Variants in TRPM3 observed in about 807,000 individuals in gnomAD.
TRPM3 encodes long transient receptor potential channel 3.
A neutral mutation model predicts 181.2 loss-of-function variants in TRPM3; 77 were observed. That is an observed-to-expected ratio of 0.42 (90% CI 0.35 to 0.51). TRPM3 has a LOEUF of 0.51. Ranked by LOEUF, TRPM3 falls within the 20% of genes least tolerant of loss-of-function variation. TRPM3 has a pLI of 0.01. For synonymous variants in TRPM3, 745 were observed against 796.4 expected (o/e 0.94, Z 1.09); for missense variants, 1,759 against 2,196.7 (o/e 0.80, Z 3.98).
intron 1 of TRPM3, among the ~76,000 whole-genome samples, chr9:70,953,087 C>T (rs1165592415): frequency 6.6e-6 from 1 of 152,188 alleles, no homozygotes; most frequent in African/African-American, 2.4e-5. Flanking sequence ...CAACATGCTT[C>T]ATGCTTCATT....
chr9:70,985,034 T>C (rs2097405022), intron 1 of TRPM3, among the ~76,000 whole-genome samples: 1 of 152,186 alleles, frequency 6.6e-6, no homozygotes, highest in African/African-American at 2.4e-5. Context: ...CAGCAGATGA[T>C]ATGGAGTACC....
At chr9:70,545,077 T>TAAGAGGAGTTAAGTAAATTGCTC (rs1050837757) in intron 25 of TRPM3, among the ~76,000 whole-genome samples, 2 of 152,210 alleles carry the variant, frequency 1.3e-5, no homozygotes, top group African/African-American at 2.4e-5. Context: ...GGACATAGGT[T>TAAGAGGAGTTAAGTAAATTGCTC]AAGAGGAGTT....
In TRPM3 at chr9:71,210,088, T is replaced by C. The variant is rs551136276; in HGVS notation, c.183+236565A>G. Among the ~76,000 whole-genome samples, 26 of 152,322 alleles carry C rather than the reference T, an allele frequency of 1.7e-4. 1 individual carries two copies. Among genetic ancestry groups the C allele is most frequent in the Admixed American group, 1.6e-3 (24 of 15,306 alleles). On this transcript the variant is annotated intron_variant, in intron 1 of 24. Coordinates refer to the TRPM3 transcript ENST00000357533. ...AGGGGACCCAAAGGAGCTTCACCCGTATTTACAGCCACTCCCCATGGCTCA... is the reference window on the plus strand; with the variant it reads ...AGGGGACCCAAAGGAGCTTCACCCGCATTTACAGCCACTCCCCATGGCTCA...
intron 1 of TRPM3, among the ~76,000 whole-genome samples, chr9:71,163,586 A>G (rs11142708): frequency 0.11 from 16,117 of 152,244 alleles, 1,071 homozygotes; most frequent in Non-Finnish European, 0.16. Context: ...AGAGTTGGAC[A>G]TGTGTCTAGA....
chr9:71,416,154 T>G (rs1481185628), intron 1 of TRPM3, among the ~76,000 whole-genome samples: 2 of 151,794 alleles, frequency 1.3e-5, no homozygotes, highest in African/African-American at 4.8e-5. Context: ...TCATTTGGGA[T>G]TTGGCACCTG....
intron 6 of TRPM3, among the ~76,000 whole-genome samples, chr9:70,815,541 A>G (rs2092617493): frequency 6.6e-6 from 1 of 152,096 alleles, no homozygotes; most frequent in East Asian, 1.9e-4. Context: ...GGCTTTTGCC[A>G]ATTTGATAGG....
At chr9:71,279,319 C>T (rs764925859) in intron 1 of TRPM3, among the ~76,000 whole-genome samples, 12 of 152,146 alleles carry the variant, frequency 7.9e-5, no homozygotes, top group Non-Finnish European at 1.5e-4. Flanking sequence ...TCTCCAAATA[C>T]GGATAGTTAC....
Position 70,656,859 on chromosome 9 carries a change from G to T in TRPM3, c.1346-16199C>A, listed in dbSNP as rs919237951. Among the ~76,000 whole-genome samples the T allele has an allele frequency of 8.6e-5, 13 of 151,646 alleles. 1 individual carries two copies. Among genetic ancestry groups the T allele is most frequent in the Admixed American group, 2.6e-4 (4 of 15,230 alleles). On this transcript the variant is annotated intron_variant, in intron 9 of 25. Transcript: ENST00000677713. The stretch of plus-strand genomic sequence containing the variant: ...TGTATCATTCAAAGCTTATTTAAAG[G>T]TTATGTATAAAACAAGGTAAAATGA...
chr9:71,030,389 A>C (rs931622994), intron 1 of TRPM3, among the ~76,000 whole-genome samples: 15 of 152,084 alleles, frequency 9.9e-5, no homozygotes, highest in African/African-American at 3.6e-4. Flanking sequence ...GCAAGGTGAA[A>C]CCCCATCTCT....
intron 1 of TRPM3, among the ~76,000 whole-genome samples, chr9:71,425,093 CAT>C (rs2093839955): frequency 6.7e-6 from 1 of 148,678 alleles, no homozygotes; most frequent in South Asian, 2.2e-4. Context: ...TCATTACCTA[CAT>C]ATGTCTCTGG....
rs78234337 is a variant in TRPM3, at chr9:70,890,526, C to T, written c.178-26015G>A. ...GATAGACCTCCACCAAAGAATAACG[C>T]TGTAGAATTTTTAAAGACCAAGACA... On this transcript the variant is annotated intron_variant, in intron 1 of 25. Coordinates refer to ENST00000677713, the MANE Select transcript of TRPM3 (RefSeq NM_001366145.2). Among the ~76,000 whole-genome samples, 772 of 152,088 alleles carry T rather than the reference C, an allele frequency of 5.1e-3. 7 individuals carry two copies. Among genetic ancestry groups the T allele is most frequent in the African/African-American group, 0.018 (742 of 41,490 alleles).
At chr9:71,433,739 A>G (rs2093991301) in intron 1 of TRPM3, among the ~76,000 whole-genome samples, 1 of 152,250 alleles carries the variant, frequency 6.6e-6, no homozygotes. Context: ...TTGGCTTTAT[A>G]TCTCTCTGAC....
At chr9:70,797,010 G>C (rs1205454215) in intron 6 of TRPM3, among the ~76,000 whole-genome samples, 1 of 152,048 alleles carries the variant, frequency 6.6e-6, no homozygotes, top group African/African-American at 2.4e-5. Context: ...TATACCTTTA[G>C]TCCCAGCTAC....
chr9:70,872,200 C>T (rs1242706365), intron 1 of TRPM3, among the ~76,000 whole-genome samples: 1 of 151,898 alleles, frequency 6.6e-6, no homozygotes, highest in African/African-American at 2.4e-5. Flanking sequence ...TAAGAACTCC[C>T]ATAAACAACA....
intron 1 of TRPM3, among the ~76,000 whole-genome samples, chr9:71,086,123 C>T (rs1324529370): frequency 6.6e-6 from 1 of 151,948 alleles, no homozygotes; most frequent in Non-Finnish European, 1.5e-5. Context: ...TGCATGTTCT[C>T]ACTCGTAAGT....
intron 1 of TRPM3, among the ~76,000 whole-genome samples, chr9:71,424,528 T>G (rs1437742947): frequency 1.3e-5 from 2 of 152,140 alleles, no homozygotes; most frequent in Admixed American, 6.6e-5. Flanking sequence ...ATAAGACAGA[T>G]CTAGTCAGTT....
At chr9:70,901,719 T>C (rs1283242427) in intron 1 of TRPM3, among the ~76,000 whole-genome samples, 2 of 152,186 alleles carry the variant, frequency 1.3e-5, no homozygotes, top group Non-Finnish European at 2.9e-5. Context: ...ATTTGAAGCA[T>C]CTGAAAGCAC....
rs557644078 is a variant in TRPM3, at chr9:71,192,662, A to C, written c.183+253991T>G. Among the ~76,000 whole-genome samples the C allele has an allele frequency of 2.2e-3, 332 of 151,920 alleles. 1 individual carries two copies. Among genetic ancestry groups the C allele is most frequent in the African/African-American group, 7.7e-3 (318 of 41,494 alleles). On this transcript the variant is annotated intron_variant, in intron 1 of 24. Transcript: ENST00000357533. ...TAAATATTTTGAATATTAACCCCTTATCAGATATATGGCTTGAAAATATTT... is the reference window on the plus strand; with the variant it reads ...TAAATATTTTGAATATTAACCCCTTCTCAGATATATGGCTTGAAAATATTT...
At chr9:70,638,501 T>C (rs1045769431) in intron 11 of TRPM3, among the ~76,000 whole-genome samples, 1 of 152,170 alleles carries the variant, frequency 6.6e-6, no homozygotes, top group Non-Finnish European at 1.5e-5. Context: ...GTTTTACCTA[T>C]GATTACTCCT....
Sources: gnomAD v4.1 joint callset for allele counts (sites outside exome capture counted in the v4.1 genomes callset) on GRCh38, gnomAD v4.1.1 for gene constraint, MANE v1.5 for transcripts, NCBI Gene and HGNC (gene_info 2026-07-23, HGNC 2026-07-21) for gene names.